The following ARHGAP28 variants were observed in gnomAD, a reference collection of about 807,000 sequenced individuals.
ARHGAP28 encodes rho GTPase-activating protein 28.
A neutral mutation model predicts 90.7 loss-of-function variants in ARHGAP28; 56 were observed. The observed-to-expected ratio is 0.62, with a 90% CI of 0.50 to 0.77. The LOEUF (loss-of-function observed/expected upper bound fraction) is 0.77, where lower values mean the gene tolerates loss of function less well. ARHGAP28 is among the 30% of genes least tolerant of loss of function. ARHGAP28 has a pLI of 0.00. For synonymous variants in ARHGAP28, 308 were observed against 323.3 expected (o/e 0.95, Z 0.51); for missense variants, 869 against 900.9 (o/e 0.96, Z 0.45).
intron 2 of ARHGAP28, among the ~76,000 whole-genome samples, chr18:6,825,475 ATGT>A (rs1600218840): frequency 6.6e-6 from 1 of 152,208 alleles, no homozygotes; most frequent in African/African-American, 2.4e-5. Context: ...AATAAAAGCC[ATGT>A]TGTTGTTTTT....
intron 1 of ARHGAP28, among the ~76,000 whole-genome samples, chr18:6,817,053 G>A (rs1047382079): frequency 6.6e-6 from 1 of 151,366 alleles, no homozygotes; most frequent in Non-Finnish European, 1.5e-5. Flanking sequence ...TTGCACCACT[G>A]CACTCCAGCC....
At chr18:6,895,022 A>G in intron 15 of ARHGAP28, 131 bp downstream of exon 15, 1 of 913,186 alleles carries the variant, frequency 1.1e-6, no homozygotes, top group Non-Finnish European at 1.8e-6. Context: ...GTGGCACATA[A>G]AGGAATGGTA....
At chr18:6,764,390 A>G (rs577473803) in intron 1 of ARHGAP28, among the ~76,000 whole-genome samples, 2 of 152,346 alleles carry the variant, frequency 1.3e-5, no homozygotes, top group South Asian at 4.1e-4. Flanking sequence ...GGCATTATCG[A>G]GGTTTCAGGC....
At chr18:6,822,194 A>G (rs567084991) in intron 1 of ARHGAP28, among the ~76,000 whole-genome samples, 10 of 152,242 alleles carry the variant, frequency 6.6e-5, no homozygotes, top group African/African-American at 2.4e-4. Flanking sequence ...CTGCATTATA[A>G]TTTTTTAAAT....
intron 11 of ARHGAP28, among the ~76,000 whole-genome samples, chr18:6,884,683 G>T (rs531877672): frequency 1.3e-5 from 2 of 152,174 alleles, no homozygotes; most frequent in South Asian, 4.2e-4. Flanking sequence ...TCAATCCTTC[G>T]CCGTGTTACC....
chr18:6,789,009 G>T (rs1175281599), intron 1 of ARHGAP28: 1 of 152,154 alleles, frequency 6.6e-6, no homozygotes, highest in Non-Finnish European at 1.5e-5. Context: ...GAGTCTTAAA[G>T]GATAAATGTA....
At chr18:6,851,349 GA>G (rs2056909523) in intron 4 of ARHGAP28, among the ~76,000 whole-genome samples, 1 of 152,176 alleles carries the variant, frequency 6.6e-6, no homozygotes, top group Non-Finnish European at 1.5e-5. Flanking sequence ...CATTATTAAT[GA>G]TTATGGAAAT....
At chr18:6,774,678 A>G (rs1232244676) in intron 1 of ARHGAP28, among the ~76,000 whole-genome samples, 3 of 152,244 alleles carry the variant, frequency 2.0e-5, no homozygotes, top group Non-Finnish European at 4.4e-5. Context: ...TCATTAGCCA[A>G]GCAAGCTCTT....
intron 1 of ARHGAP28, among the ~76,000 whole-genome samples, chr18:6,795,287 G>T (rs188743949): frequency 6.6e-6 from 1 of 152,040 alleles, no homozygotes; most frequent in African/African-American, 2.4e-5. Flanking sequence ...GGGTCCCTGC[G>T]AGAAAGAAGA....
At chr18:6,736,578 T>TAA (rs35403034) in intron 1 of ARHGAP28, among the ~76,000 whole-genome samples, 3 of 145,996 alleles carry the variant, frequency 2.1e-5, no homozygotes, top group African/African-American at 7.7e-5. Flanking sequence ...CATTTCTACT[T>TAA]AAAAAAAAAA....
intron 1 of ARHGAP28, among the ~76,000 whole-genome samples, chr18:6,818,602 A>C (rs1354150806): frequency 6.6e-6 from 1 of 152,206 alleles, no homozygotes; most frequent in Admixed American, 6.5e-5. Flanking sequence ...TGAGACAGCG[A>C]ATAACTGGAG....
At chr18:6,876,576 A>G (rs536248673) in intron 10 of ARHGAP28, among the ~76,000 whole-genome samples, 4 of 152,326 alleles carry the variant, frequency 2.6e-5, no homozygotes, top group African/African-American at 7.2e-5. Flanking sequence ...TTTGGAGGTT[A>G]AACACCTTAG....
intron 4 of ARHGAP28, among the ~76,000 whole-genome samples, chr18:6,856,627 A>G (rs552930325): frequency 6.6e-6 from 1 of 152,000 alleles, no homozygotes; most frequent in South Asian, 2.1e-4. Context: ...CTCCCTCCTC[A>G]GCCTCTCAAG....
At chr18:6,771,682 A>T (rs1172439113) in intron 1 of ARHGAP28, among the ~76,000 whole-genome samples, 1 of 152,236 alleles carries the variant, frequency 6.6e-6, no homozygotes, top group Non-Finnish European at 1.5e-5. Context: ...TCAAGCAATA[A>T]TGTGAAGGCC....
chr18:6,837,297 T>A lies in ARHGAP28; in HGVS notation c.426T>A (p.Thr142=). 1 of 1,612,754 alleles carries A rather than the reference T, an allele frequency of 6.2e-7. No individual in the cohort carries two copies. Among genetic ancestry groups the A allele is most frequent in the East Asian group, 2.2e-5 (1 of 44,766 alleles). The change falls in exon 3 of 18, where the codon ACT becomes ACA. Residue 142 remains threonine (T), a synonymous_variant. Transcript: ENST00000383472. ...EDGKALLSTL[T]RTQAAAVQKR... ...GCAAAGCCTTGCTCTCCACATTGAC[T>A]CGAACCCAAGCAGCTGCCGTGCAAA... is the stretch of plus-strand genomic sequence containing the variant.
chr18:6,818,631 G>T (rs2056607293), intron 1 of ARHGAP28, among the ~76,000 whole-genome samples: 1 of 152,154 alleles, frequency 6.6e-6, no homozygotes, highest in Non-Finnish European at 1.5e-5. Flanking sequence ...CATTAGAGTG[G>T]CCTGGAAAGG....
intron 1 of ARHGAP28, among the ~76,000 whole-genome samples, chr18:6,738,331 T>G (rs892996364): frequency 6.6e-6 from 1 of 151,970 alleles, no homozygotes; most frequent in South Asian, 2.1e-4. Context: ...ACTTTACTTA[T>G]AATTTACTTA....
At chr18:6,846,165 C>G (rs777972714) in intron 3 of ARHGAP28, among the ~76,000 whole-genome samples, 1 of 152,208 alleles carries the variant, frequency 6.6e-6, no homozygotes, top group East Asian at 1.9e-4. Context: ...AGAAACTTTC[C>G]TCTGTTATAC....
chr18:6,765,252 G>A (rs1270924993), intron 1 of ARHGAP28, among the ~76,000 whole-genome samples: 1 of 152,178 alleles, frequency 6.6e-6, no homozygotes, highest in South Asian at 2.1e-4. Context: ...TAGCATATTA[G>A]TGAAGCCATC....
Sources: gnomAD v4.1 joint callset for allele counts (sites outside exome capture counted in the v4.1 genomes callset) on GRCh38, gnomAD v4.1.1 for gene constraint, MANE v1.5 for transcripts, NCBI Gene and HGNC (gene_info 2026-07-23, HGNC 2026-07-21) for gene names.